Variants in DYNC1LI2 observed in about 807,000 individuals in gnomAD.
DYNC1LI2 encodes dynein cytoplasmic 1 light intermediate chain 2, also known as cytoplasmic dynein 1 light intermediate chain 2.
DYNC1LI2 carries 19 observed loss-of-function variants against 57.8 expected under a neutral mutation model. The ratio of observed to expected loss-of-function variants is 0.33; its 90% CI spans 0.23 to 0.48. The LOEUF (loss-of-function observed/expected upper bound fraction) is 0.48, where lower values mean the gene tolerates loss of function less well. Ranked by LOEUF, DYNC1LI2 falls within the 20% of genes least tolerant of loss-of-function variation. The probability of loss-of-function intolerance (pLI) is 0.99; values close to 1 mark genes in which losing one functional copy is unlikely to be tolerated. For synonymous variants in DYNC1LI2, 256 were observed against 233.4 expected, an observed-to-expected ratio of 1.10 and a Z score of -0.88; for missense variants, 470 against 604.2, an observed-to-expected ratio of 0.78 and a Z score of 2.33.
At chr16:66,734,912 G>A (rs1187241007) in intron 5 of DYNC1LI2, among the ~76,000 whole-genome samples, 4 of 132,880 alleles carry the variant, frequency 3.0e-5, no homozygotes, top group East Asian at 2.5e-4. Context: ...TAGGAGAATC[G>A]CTTGAACTGG....
chr16:66,736,376 C>A, intron 4 of DYNC1LI2, 132 bp from the exon 5 acceptor site: 1 of 1,054,088 alleles, frequency 9.5e-7, no homozygotes, highest in Non-Finnish European at 1.3e-6. Context: ...TTAGTCACAT[C>A]CAACTGCAAA....
At chr16:66,734,492 GT>G (rs201846587) in intron 5 of DYNC1LI2, among the ~76,000 whole-genome samples, 181 bp from the exon 6 acceptor site, 46 of 146,056 alleles carry the variant, frequency 3.1e-4, no homozygotes, top group Non-Finnish European at 3.5e-4. Context: ...CTTGGGCCTC[GT>G]TTTTTTTTTT....
rs1484996872 is a variant in DYNC1LI2 at position 66,723,047 on chromosome 16, G to A, written c.*675C>T. 3 of 326,240 alleles carry A rather than the reference G, an allele frequency of 9.2e-6. No homozygotes were observed. The highest frequency in any genetic ancestry group is 4.1e-5 in the Admixed American group (1 of 24,664). 20.2% of individuals were successfully genotyped at this position (326,240 alleles called of 1,614,324 possible). On this transcript the variant is annotated 3_prime_UTR_variant, in exon 13 of 13. Transcript: ENST00000258198. ...GCAGCTGCCATCGTTCCCACCCCTG[G>A]GTCAGCTCCGCCTGACTCAGGCACC...
At chr16:66,738,065 G>A (rs953709535) in intron 4 of DYNC1LI2, among the ~76,000 whole-genome samples, 3 of 152,118 alleles carry the variant, frequency 2.0e-5, no homozygotes, top group African/African-American at 7.2e-5. Flanking sequence ...TTCACCCACA[G>A]AACACGTTTC....
At chr16:66,742,123 G>C (rs560656145) in intron 4 of DYNC1LI2, among the ~76,000 whole-genome samples, 25 of 152,120 alleles carry the variant, frequency 1.6e-4, no homozygotes, top group Admixed American at 5.2e-4. Context: ...TCAGCAGACA[G>C]AGAGTAACAG....
chr16:66,726,946 T>C (rs558018692), intron 11 of DYNC1LI2, among the ~76,000 whole-genome samples: 8 of 151,822 alleles, frequency 5.3e-5, no homozygotes, highest in African/African-American at 1.7e-4. Context: ...AAACAGTCTC[T>C]CACTCTGTCA....
chr16:66,745,968 T>A (rs1035341164), intron 3 of DYNC1LI2, among the ~76,000 whole-genome samples: 5 of 151,996 alleles, frequency 3.3e-5, no homozygotes. Context: ...TAGAAAAATA[T>A]ACTTAAAAAA....
chr16:66,751,190 C>A lies in DYNC1LI2; in HGVS notation c.181+83G>T. 4.8e-6 allele frequency: 7 copies of A among 1,456,770 alleles called. No individual in the cohort carries two copies. Among genetic ancestry groups the A allele is most frequent in the Non-Finnish European group, 6.5e-6 (7 of 1,077,916 alleles). The allele number at this position is 1,456,770 out of a possible 1,614,324, so 90.2% of individuals were successfully genotyped here. A position where few individuals can be genotyped will look rare whatever the true frequency, so the allele number is the denominator to read the frequency against. On this transcript the variant is annotated intron_variant, in intron 2 of 12. Coordinates refer to ENST00000258198, the MANE Select transcript of DYNC1LI2 (RefSeq NM_006141.3). This position sits in a 1 kb window ranked among gnomAD's most constrained non-coding sequence, Gnocchi z 5.2. Reference sequence around the variant, plus strand: ...CCAGGCTGCGGGCAGGCGGCTGGAACGGGGAAGGCGGGGACCTGAGGGAGG... The same window carrying A: ...CCAGGCTGCGGGCAGGCGGCTGGAAAGGGGAAGGCGGGGACCTGAGGGAGG...
chr16:66,746,565 T>C (rs1440763361), intron 3 of DYNC1LI2, among the ~76,000 whole-genome samples: 1 of 152,194 alleles, frequency 6.6e-6, no homozygotes, highest in Non-Finnish European at 1.5e-5. Context: ...AAAAAATCTG[T>C]ATATAAGTTA....
chr16:66,745,192 G>A (rs1247162191), intron 3 of DYNC1LI2, among the ~76,000 whole-genome samples: 2 of 152,096 alleles, frequency 1.3e-5, no homozygotes, highest in East Asian at 1.9e-4. Context: ...ATGAGCCACC[G>A]TGCCCGGCAG....
Position 66,723,772 on chromosome 16 carries a change from G to C in DYNC1LI2, c.1429C>G (p.Arg477Gly), listed in dbSNP as rs759252005. 4 of 1,607,820 alleles carry C rather than the reference G, an allele frequency of 2.5e-6. No homozygotes were observed. The highest frequency in any genetic ancestry group is 1.6e-4 in the Middle Eastern group (1 of 6,070). ...TTTGTTACCATAGAGTCTGGCTTTC[G>C]AGTCATTCTATCCAGTTCTTCCTGA... Reference protein sequence around the residue: ...NVQEELDRMTRKPDSMVTNSS... With the variant: ...NVQEELDRMTGKPDSMVTNSS... The change falls in exon 13 of 13, where the codon CGA becomes GGA. Residue 477 changes from arginine (R) to glycine (G), a missense_variant. Arg to Gly is a moderately radical substitution (Grantham distance 125). Coordinates refer to ENST00000258198, the MANE Select transcript of DYNC1LI2 (RefSeq NM_006141.3).
Position 66,722,901 on chromosome 16 carries a change from C to T in DYNC1LI2, c.*821G>A, listed in dbSNP as rs1184364529. The T allele has an allele frequency of 1.3e-5, 2 of 154,182 alleles. No homozygotes were observed. Among genetic ancestry groups the T allele is most frequent in the Non-Finnish European group, 2.9e-5 (2 of 69,218 alleles). The allele number at this position is 154,182 out of a possible 1,614,324, so 9.6% of individuals were successfully genotyped here. A position where few individuals can be genotyped will look rare whatever the true frequency, so the allele number is the denominator to read the frequency against. ...TTTAGACAACAAAATTCAAAGTAAA[C>T]TAATTCTGTAACTGCTGACTTTGAA... On this transcript the variant is annotated 3_prime_UTR_variant, in exon 13 of 13. Coordinates refer to ENST00000258198, the MANE Select transcript of DYNC1LI2 (RefSeq NM_006141.3).
At position 66,729,165 on chromosome 16, in the gene DYNC1LI2, T is replaced by C. The variant is rs75364415; in HGVS notation, c.1042-66A>G. 777 of 1,575,496 alleles carry C rather than the reference T, an allele frequency of 4.9e-4. 3 individuals carry two copies. The African/African-American group carries it at 9.3e-3, about 19-fold the overall frequency. On this transcript the variant is annotated intron_variant, in intron 8 of 12. Transcript: ENST00000258198. ...TACTCCTAACCACTGTCAAACTTCA[T>C]GCCGAAAGGAGAGTCCGAGGCTCAG...
rs1443760244 is a variant in DYNC1LI2 at position 66,723,673 on chromosome 16, A to G, written c.*49T>C. ...AGAAAAATCCTGGTCTTAGCAGATC[A>G]ATATACATAGTTATTTGGTCATTCG... On this transcript the variant is annotated 3_prime_UTR_variant, in exon 13 of 13. Transcript: ENST00000258198. 1 of 1,546,406 alleles carries G rather than the reference A, an allele frequency of 6.5e-7. No individual in the cohort carries two copies. Among genetic ancestry groups the G allele is most frequent in the Non-Finnish European group, 8.8e-7 (1 of 1,137,568 alleles).
At position 66,734,451 on chromosome 16, in the gene DYNC1LI2, T is replaced by TA. The variant is rs1039086909; in HGVS notation, c.700-141dup. On this transcript the variant is annotated intron_variant, in intron 5 of 12. Coordinates refer to ENST00000258198, the MANE Select transcript of DYNC1LI2 (RefSeq NM_006141.3). ...GGTCCAAGCATTAATTAGAGAAGAGTAAAAAAGAACCGGAGATTTTTCTCA... is the reference window on the plus strand; with the variant it reads ...GGTCCAAGCATTAATTAGAGAAGAGTAAAAAAAGAACCGGAGATTTTTCTCA... 11 of 787,768 alleles carry TA rather than the reference T, an allele frequency of 1.4e-5. No individual in the cohort carries two copies. In the Admixed American group the frequency reaches 2.1e-4, roughly 15 times the overall value. The allele number at this position is 787,768 out of a possible 1,614,324, so 48.8% of individuals were successfully genotyped here.
At chr16:66,728,905 G>A (rs923698606) in intron 9 of DYNC1LI2, 135 bp downstream of exon 9, 1 of 862,416 alleles carries the variant, frequency 1.2e-6, no homozygotes, top group African/African-American at 1.7e-5. Flanking sequence ...GAGGGAATGA[G>A]GAGACCTGGT....
At chr16:66,739,355 A>G (rs1409457323) in intron 4 of DYNC1LI2, 1 of 152,246 alleles carries the variant, frequency 6.6e-6, no homozygotes. Context: ...GAAGCCCTAG[A>G]TTATTCACGC....
rs2017652847 is a variant in DYNC1LI2 at position 66,732,365 on chromosome 16, T to C, written c.903A>G (p.Leu301=). Reference sequence around the variant, plus strand: ...TAAAAACGGCATCCTTTTCCACAACTAAGGCAGGTGTGGTGAAGTGGAAAC... The same window carrying C: ...TAAAAACGGCATCCTTTTCCACAACCAAGGCAGGTGTGGTGAAGTGGAAAC... ...TYGFHFTTPA[L]VVEKDAVFIP... is the part of the protein sequence containing the mutation. Residue 301 remains leucine, a synonymous_variant, in exon 7 of 13, where the codon TTA becomes TTG. Coordinates refer to ENST00000258198, the MANE Select transcript of DYNC1LI2 (RefSeq NM_006141.3). 1 of 1,613,698 alleles carries C rather than the reference T, an allele frequency of 6.2e-7. No homozygotes were observed. The highest frequency in any genetic ancestry group is 1.3e-5 in the African/African-American group (1 of 75,036).
Position 66,742,662 on chromosome 16 carries a change from G to A in DYNC1LI2, c.305C>T (p.Thr102Met), listed in dbSNP as rs535495287. 36 of 1,613,984 alleles carry A rather than the reference G, an allele frequency of 2.2e-5. No homozygotes were observed. The highest frequency in any genetic ancestry group is 1.7e-5 in the Admixed American group (1 of 59,986). The change falls in exon 4 of 13, where the codon ACG (threonine) becomes ATG (methionine). Residue 102 changes from threonine (T) to methionine (M), a missense_variant. Physicochemically the swap from Thr to Met is moderately conservative, Grantham distance 81. Coordinates refer to ENST00000258198, the MANE Select transcript of DYNC1LI2 (RefSeq NM_006141.3). ...SVHDEDRDDH[T>M]RCNVWILDGD... is the part of the protein sequence containing the mutation. ...ATCCAGAATCCACACGTTGCAGCGC[G>A]TGTGATCTGAGAAAACAAGTGAATG...
Sources: gnomAD v4.1 joint callset for allele counts (sites outside exome capture counted in the v4.1 genomes callset) on GRCh38, gnomAD v4.1.1 for gene constraint, Gnocchi (gnomAD v3.1) non-coding constraint, MANE v1.5 for transcripts, NCBI Gene and HGNC (gene_info 2026-07-23, HGNC 2026-07-21) for gene names.